NEK7: variants seen among roughly 807,000 people sequenced by gnomAD.
NEK7 encodes NIMA related kinase 7, also known as serine/threonine-protein kinase Nek7.
A neutral mutation model predicts 44.6 loss-of-function variants in NEK7; 18 were observed. The ratio of observed to expected loss-of-function variants is 0.40; its 90% CI spans 0.28 to 0.60. The LOEUF (loss-of-function observed/expected upper bound fraction) is 0.60, where lower values mean the gene tolerates loss of function less well. NEK7 is among the 20% of genes least tolerant of loss of function. The pLI is 0.38. For synonymous variants in NEK7, 130 were observed against 121.1 expected (o/e 1.07, Z -0.48); for missense variants, 256 against 366.5 (o/e 0.70, Z 2.46).
At chr1:198,231,785 G>A (rs1454767298) in intron 1 of NEK7, among the ~76,000 whole-genome samples, 1 of 151,992 alleles carries the variant, frequency 6.6e-6, no homozygotes, top group Non-Finnish European at 1.5e-5. Context: ...AGAGTATGAT[G>A]AAGTGAAGAT....
At chr1:198,308,260 G>A (rs750081063) in intron 9 of NEK7, among the ~76,000 whole-genome samples, 1 of 152,118 alleles carries the variant, frequency 6.6e-6, no homozygotes, top group Non-Finnish European at 1.5e-5. Context: ...TACTTGAGCT[G>A]TCTCCTTTAT....
Position 198,278,436 on chromosome 1 carries a change from CAG to C in NEK7, c.481+370_481+371del, listed in dbSNP as rs537189161. 5.3e-4 allele frequency among the ~76,000 whole-genome samples: 80 copies of C among 149,894 alleles called. 1 individual carries two copies. Among genetic ancestry groups the C allele is most frequent in the African/African-American group, 1.9e-3 (74 of 39,586 alleles). On this transcript the variant is annotated intron_variant, in intron 6 of 9. Transcript: ENST00000367385. ...CATTCTTTTCATTCAAGTGGTTGAG[CAG>C]AGTGTGTTAACATTACATCAATAAG...
At chr1:198,189,322 G>GTTATATT (rs1322038964) in intron 1 of NEK7, among the ~76,000 whole-genome samples, 1 of 152,092 alleles carries the variant, frequency 6.6e-6, no homozygotes, top group African/African-American at 2.4e-5. Context: ...AATTAGATAA[G>GTTATATT]TTATATTTAA....
At chr1:198,164,006 G>C (rs773039647) in intron 1 of NEK7, among the ~76,000 whole-genome samples, 2 of 152,074 alleles carry the variant, frequency 1.3e-5, no homozygotes, top group Non-Finnish European at 2.9e-5. Flanking sequence ...TTTGGAGGCC[G>C]AGGCTGAGCA....
intron 1 of NEK7, among the ~76,000 whole-genome samples, chr1:198,213,791 G>A (rs1665844413): frequency 6.6e-6 from 1 of 152,064 alleles, no homozygotes; most frequent in African/African-American, 2.4e-5. Context: ...CTCTGTCAAG[G>A]GTGGGACCTC....
intron 5 of NEK7, among the ~76,000 whole-genome samples, chr1:198,271,087 T>G (rs1457632253): frequency 6.6e-6 from 1 of 152,040 alleles, no homozygotes; most frequent in Non-Finnish European, 1.5e-5. Flanking sequence ...CAACCTGCCA[T>G]TGTGTTCCCT....
chr1:198,298,655 C>T (rs935328863), intron 9 of NEK7, among the ~76,000 whole-genome samples: 4 of 152,176 alleles, frequency 2.6e-5, no homozygotes, highest in Non-Finnish European at 4.4e-5. Flanking sequence ...AAAATGATAG[C>T]AAGAATGTCA....
At chr1:198,207,522 C>T (rs1300177449) in intron 1 of NEK7, among the ~76,000 whole-genome samples, 1 of 152,124 alleles carries the variant, frequency 6.6e-6, no homozygotes, top group Admixed American at 6.5e-5. Flanking sequence ...GAGTAGTACT[C>T]AGCCATAAAA....
intron 9 of NEK7, among the ~76,000 whole-genome samples, chr1:198,319,046 G>A (rs950071977): frequency 1.3e-5 from 2 of 151,980 alleles, no homozygotes; most frequent in Admixed American, 6.6e-5. Flanking sequence ...GTAGATTCTA[G>A]ATCAAATATG....
intron 9 of NEK7, 79 bp from the exon 10 acceptor site, chr1:198,319,333 A>G (rs1486086248): frequency 1.2e-5 from 10 of 818,430 alleles, no homozygotes; most frequent in Admixed American, 9.7e-5. Context: ...ATCTATAGCT[A>G]TTCATAATTT....
chr1:198,255,941 C>G (rs1004843466), intron 3 of NEK7, among the ~76,000 whole-genome samples: 11 of 152,058 alleles, frequency 7.2e-5, no homozygotes, highest in Non-Finnish European at 1.5e-4. Context: ...TTTAAAAAGT[C>G]ATCTCTGCAG....
chr1:198,229,197 G>C (rs1422593775), intron 1 of NEK7, among the ~76,000 whole-genome samples: 1 of 152,052 alleles, frequency 6.6e-6, no homozygotes, highest in Non-Finnish European at 1.5e-5. Context: ...TCCACAAAAG[G>C]CCCAAGTGGC....
intron 2 of NEK7, chr1:198,245,319 T>A (rs1442131061): frequency 1.8e-5 from 3 of 169,078 alleles, no homozygotes; most frequent in African/African-American, 7.2e-5. Flanking sequence ...TATAAACGAG[T>A]AATTAAAAGC....
At chr1:198,316,253 A>G (rs1251567369) in intron 9 of NEK7, among the ~76,000 whole-genome samples, 1 of 152,210 alleles carries the variant, frequency 6.6e-6, no homozygotes, top group Non-Finnish European at 1.5e-5. Context: ...GTGTGCTTAC[A>G]TTTCTGATGT....
chr1:198,165,696 T>A (rs1024245588), intron 1 of NEK7, among the ~76,000 whole-genome samples: 2 of 152,198 alleles, frequency 1.3e-5, no homozygotes, highest in African/African-American at 4.8e-5. Context: ...CCTAGGATTT[T>A]CAGGGGATGC....
intron 1 of NEK7, among the ~76,000 whole-genome samples, chr1:198,167,165 A>G (rs866152124): frequency 1.3e-5 from 2 of 152,132 alleles, no homozygotes; most frequent in African/African-American, 2.4e-5. Context: ...GCTTGTGGAT[A>G]TATCACTCCA....
chr1:198,301,003 G>A (rs1168461906), intron 9 of NEK7, among the ~76,000 whole-genome samples: 1 of 152,078 alleles, frequency 6.6e-6, no homozygotes, highest in African/African-American at 2.4e-5. Flanking sequence ...TAATTTCTTT[G>A]AGAGACATTG....
intron 1 of NEK7, among the ~76,000 whole-genome samples, chr1:198,167,686 C>T (rs1195199667): frequency 6.6e-6 from 1 of 152,164 alleles, no homozygotes; most frequent in African/African-American, 2.4e-5. Flanking sequence ...GGCAAAAGCT[C>T]TTTGCCTTGC....
chr1:198,167,521 TA>T (rs1664303868), intron 1 of NEK7, among the ~76,000 whole-genome samples: 1 of 152,166 alleles, frequency 6.6e-6, no homozygotes, highest in Non-Finnish European at 1.5e-5. Context: ...ATCTAAGTGT[TA>T]GTTTTAGTTC....
Sources: gnomAD v4.1 joint callset for allele counts (sites outside exome capture counted in the v4.1 genomes callset) on GRCh38, gnomAD v4.1.1 for gene constraint, MANE v1.5 for transcripts, NCBI Gene and HGNC (gene_info 2026-07-23, HGNC 2026-07-21) for gene names.